The following GABPB2 variants were observed in gnomAD, a reference collection of about 807,000 sequenced individuals.
GABPB2 encodes GA-binding protein subunit beta-2.
Under a neutral mutation model 39.1 loss-of-function variants are expected in GABPB2, and 23 were observed. The ratio of observed to expected loss-of-function variants is 0.59; its 90% confidence interval spans 0.42 to 0.83. The LOEUF (loss-of-function observed/expected upper bound fraction) is 0.83. Ranked by LOEUF, GABPB2 falls within the 40% of genes least tolerant of loss-of-function variation. The pLI is 0.00. For missense variants in GABPB2, 467 were observed against 541.1 expected (o/e 0.86, Z 1.36); for synonymous variants, 184 against 199.3 (o/e 0.92, Z 0.65).
chr1:151,104,747 TTCTA>T (rs1243861480), intron 6 of GABPB2, among the ~76,000 whole-genome samples: 1 of 149,634 alleles, frequency 6.7e-6, no homozygotes, highest in African/African-American at 2.4e-5. Flanking sequence ...TACTGCAAAG[TTCTA>T]TCTGTGACTC....
chr1:151,073,979 C>CTT (rs587690492), intron 1 of GABPB2, among the ~76,000 whole-genome samples: 19 of 129,040 alleles, frequency 1.5e-4, no homozygotes, highest in South Asian at 2.6e-4. Context: ...ATGGTTATTT[C>CTT]TTTTTTTTTT....
At chr1:151,115,721 G>T (rs990587179) in intron 7 of GABPB2, among the ~76,000 whole-genome samples, 9 of 152,138 alleles carry the variant, frequency 5.9e-5, no homozygotes, top group African/African-American at 1.4e-4. Context: ...ATTTTCTAGA[G>T]CGGCTGTACC....
intron 4 of GABPB2, among the ~76,000 whole-genome samples, chr1:151,094,717 A>G (rs1400991678): frequency 1.3e-5 from 2 of 148,946 alleles, no homozygotes; most frequent in African/African-American, 2.5e-5. Context: ...AAAAATTAAC[A>G]GGACATGGGC....
chr1:151,093,154 A>C, intron 3 of GABPB2, 38 bp from the exon 4 acceptor site: 5 of 1,504,226 alleles, frequency 3.3e-6, no homozygotes, highest in Non-Finnish European at 4.5e-6. Flanking sequence ...GTGCTACTAT[A>C]ACCGCTGTTT....
At chr1:151,108,324 C>T (rs930370756) in intron 7 of GABPB2, among the ~76,000 whole-genome samples, 2 of 152,098 alleles carry the variant, frequency 1.3e-5, no homozygotes, top group Admixed American at 6.6e-5. Context: ...CGCACACCAA[C>T]ACGCCCAGTT....
intron 3 of GABPB2, among the ~76,000 whole-genome samples, chr1:151,092,210 G>A (rs1678775658): frequency 7.0e-6 from 1 of 143,610 alleles, no homozygotes; most frequent in Admixed American, 7.5e-5. Flanking sequence ...AGGTTCAAGC[G>A]ATTCTCCTGC....
chr1:151,081,995 G>C (rs1469772579), intron 1 of GABPB2, among the ~76,000 whole-genome samples: 1 of 151,606 alleles, frequency 6.6e-6, no homozygotes, highest in Non-Finnish European at 1.5e-5. Context: ...TCGAAGGAAA[G>C]AGTATTATAA....
At chr1:151,078,587 C>T (rs587651427) in intron 1 of GABPB2, among the ~76,000 whole-genome samples, 60 of 151,188 alleles carry the variant, frequency 4.0e-4, no homozygotes, top group African/African-American at 9.0e-4. Context: ...AGCAAGACTC[C>T]GTCTCAAAAA....
At chr1:151,083,163 A>T (rs1459754719) in intron 1 of GABPB2, among the ~76,000 whole-genome samples, 2 of 152,186 alleles carry the variant, frequency 1.3e-5, no homozygotes. Flanking sequence ...TGTATAGGTC[A>T]TCTAAATATT....
At position 151,088,194 on chromosome 1, in the gene GABPB2, C is replaced by A. The variant is rs781426638; in HGVS notation, c.5C>A (p.Ser2Tyr). The A allele has an allele frequency of 7.4e-6, 12 of 1,613,378 alleles. No homozygotes were observed. The East Asian group carries it at 2.2e-4, about 30-fold the overall frequency. M[S>Y]LVDLGKRLLE... ...CTTTTGTTCCTATGCATAAAGATGTCTTTGGTGGACTTGGGAAAGAGGTTG... is the reference window on the plus strand; with the variant it reads ...CTTTTGTTCCTATGCATAAAGATGTATTTGGTGGACTTGGGAAAGAGGTTG... The change falls in exon 2 of 9, where the codon TCT becomes TAT. Residue 2 changes from serine to tyrosine, a missense_variant. Transcript: ENST00000368918.
chr1:151,075,809 C>T (rs775848330), intron 1 of GABPB2, among the ~76,000 whole-genome samples: 2 of 151,988 alleles, frequency 1.3e-5, no homozygotes, highest in Non-Finnish European at 2.9e-5. Flanking sequence ...CTTATTTCAC[C>T]CAACTCCTAT....
At chr1:151,114,201 A>T (rs973601047) in intron 7 of GABPB2, among the ~76,000 whole-genome samples, 3 of 151,922 alleles carry the variant, frequency 2.0e-5, no homozygotes, top group Non-Finnish European at 2.9e-5. Flanking sequence ...CAAAAAAAAA[A>T]ATATATTAGC....
chr1:151,112,691 T>A, intron 7 of GABPB2: 1 of 215,648 alleles, frequency 4.6e-6, no homozygotes, highest in Non-Finnish European at 9.9e-6. Flanking sequence ...CTGGCCAAAT[T>A]TTTGTGGGTG....
intron 1 of GABPB2, among the ~76,000 whole-genome samples, chr1:151,085,052 A>C (rs1678061973): frequency 6.6e-6 from 1 of 151,964 alleles, no homozygotes; most frequent in South Asian, 2.1e-4. Flanking sequence ...AGCTGTGATC[A>C]CGGCACTGCA....
intron 1 of GABPB2, among the ~76,000 whole-genome samples, chr1:151,074,142 A>G (rs1211576059): frequency 1.4e-5 from 2 of 148,040 alleles, no homozygotes; most frequent in Non-Finnish European, 3.0e-5. Flanking sequence ...CGCCCGGCTA[A>G]TTTTTTGTAT....
In GABPB2 at chr1:151,118,143, G is replaced by A; in HGVS notation, c.1234G>A (p.Asp412Asn). The A allele has an allele frequency of 6.2e-7, 1 of 1,614,194 alleles. No individual in the cohort carries two copies. Among genetic ancestry groups the A allele is most frequent in the Non-Finnish European group, 8.5e-7 (1 of 1,180,032 alleles). ...FTMVEEVAEV[D>N]AVVVTEGELE... ...CATGGTTGAAGAGGTGGCTGAGGTA[G>A]ATGCTGTAGTAGTCACAGAGGGGGA... Residue 412 changes from aspartate to asparagine, a missense_variant, in exon 9 of 9, where the codon GAT becomes AAT. Coordinates refer to ENST00000368918, the MANE Select transcript of GABPB2 (RefSeq NM_144618.3).
At chr1:151,077,822 G>A (rs1178874673) in intron 1 of GABPB2, among the ~76,000 whole-genome samples, 2 of 150,622 alleles carry the variant, frequency 1.3e-5, no homozygotes, top group Non-Finnish European at 3.0e-5. Context: ...ATGGTGGCAC[G>A]TGCCACCTAA....
At chr1:151,107,620 G>C (rs77306500) in intron 7 of GABPB2, among the ~76,000 whole-genome samples, 13,684 of 151,650 alleles carry the variant, frequency 0.09, 774 homozygotes, top group African/African-American at 0.16. Flanking sequence ...GGTTCACCGC[G>C]CCCGGCCCTG....
chr1:151,089,882 C>G (rs2101486627), intron 2 of GABPB2, among the ~76,000 whole-genome samples: 1 of 152,048 alleles, frequency 6.6e-6, no homozygotes, highest in Admixed American at 6.6e-5. Context: ...TGACATAAAG[C>G]CATTATACTT....
Sources: gnomAD v4.1 joint callset for allele counts (sites outside exome capture counted in the v4.1 genomes callset) on GRCh38, gnomAD v4.1.1 for gene constraint, MANE v1.5 for transcripts, NCBI Gene and HGNC (gene_info 2026-07-23, HGNC 2026-07-21) for gene names.